SPTAN1: variants seen among roughly 807,000 people sequenced by gnomAD.
The protein encoded by SPTAN1 is spectrin alpha chain, non-erythrocytic 1.
Under a neutral mutation model 331.3 loss-of-function variants are expected in SPTAN1, and 61 were observed. The ratio of observed to expected loss-of-function variants is 0.18; its 90% confidence interval spans 0.15 to 0.23. SPTAN1 has a LOEUF of 0.23. SPTAN1 is among the 10% of genes least tolerant of loss of function. The pLI is 1.00. For missense variants in SPTAN1, 2,043 were observed against 3,147.9 expected (o/e 0.65, Z 8.40); for synonymous variants, 1,153 against 1,173.9 (o/e 0.98, Z 0.36).
At chr9:128,614,773 AGTT>A in intron 40 of SPTAN1, among the ~76,000 whole-genome samples, 1 of 152,192 alleles carries the variant, frequency 6.6e-6, no homozygotes, top group East Asian at 1.9e-4. Flanking sequence ...AGGAAAAAAA[AGTT>A]GTTGGGGGGT....
At position 128,619,172 on chromosome 9, in the gene SPTAN1, G is replaced by A. The variant is rs542394532; in HGVS notation, c.5733+169G>A. Among the ~76,000 whole-genome samples the A allele has an allele frequency of 8.8e-4, 134 of 152,292 alleles. 4 individuals are homozygous for A. The South Asian group carries it at 0.026, about 29-fold the overall frequency. ...TAGCCCTCAAGATCTCACACTAGGG[G>A]ACATCACCCTTCAGTAAACAAAATT... On this transcript the variant is annotated intron_variant, in intron 44 of 56. Transcript: ENST00000372739.
chr9:128,615,969 C>T lies in SPTAN1; in HGVS notation c.5357+129C>T, dbSNP rs542361260. The T allele has an allele frequency of 4.9e-5, 47 of 954,046 alleles. No homozygotes were observed. In the Middle Eastern group the frequency reaches 7.8e-4, roughly 16 times the overall value. The allele number at this position is 954,046 out of a possible 1,614,324, so 59.1% of individuals were successfully genotyped here. A position where few individuals can be genotyped will look rare whatever the true frequency, so the allele number is the denominator to read the frequency against. On this transcript the variant is annotated intron_variant, in intron 41 of 56. Transcript: ENST00000372739. The stretch of plus-strand genomic sequence containing the variant: ...TGGGATCCCAGCTTGGGCACACAGT[C>T]GTGGGATGCCTCAGTGTCTTCTGCT...
Position 128,625,927 on chromosome 9 carries a change from C to T in SPTAN1, c.6228C>T (p.Asn2076=). 2 of 1,614,236 alleles carry T rather than the reference C, an allele frequency of 1.2e-6. No individual in the cohort carries two copies. Among genetic ancestry groups the T allele is most frequent in the East Asian group, 2.2e-5 (1 of 44,872 alleles). The part of the protein sequence containing the change: ...LMKRWSQLLA[N]SAARKKKLLE... ...AGAGGTGGAGCCAGCTTCTGGCCAA[C>T]TCAGCCGCCCGCAAGAAGAAGCTTC... The change falls in exon 48 of 57, where the codon AAC becomes AAT. Residue 2076 remains asparagine (N), a synonymous_variant. Coordinates refer to ENST00000372739, the MANE Select transcript of SPTAN1 (RefSeq NM_001130438.3). This position sits in a 1 kb window ranked among gnomAD's most constrained non-coding sequence, Gnocchi z 4.1.
At chr9:128,615,191 A>G (rs374320973) in intron 40 of SPTAN1, among the ~76,000 whole-genome samples, 1 of 152,328 alleles carries the variant, frequency 6.6e-6, no homozygotes, top group East Asian at 1.9e-4. Context: ...TATCTGTGAG[A>G]TACCAAGTCT....
At chr9:128,557,640 T>G (rs935101047) in intron 1 of SPTAN1, among the ~76,000 whole-genome samples, 18 of 151,718 alleles carry the variant, frequency 1.2e-4, no homozygotes, top group Non-Finnish European at 2.4e-4. Context: ...AAGAACTGCC[T>G]CAAACAGCTG....
chr9:128,617,619 T>C, intron 41 of SPTAN1, 21 bp from the exon 42 acceptor site: 2 of 1,614,128 alleles, frequency 1.2e-6, no homozygotes, highest in East Asian at 4.5e-5. Flanking sequence ...CTGACTGTGC[T>C]GTTTCCCATC....
intron 9 of SPTAN1, 138 bp from the exon 10 acceptor site, chr9:128,579,499 A>G: frequency 4.3e-6 from 3 of 700,480 alleles, no homozygotes; most frequent in Non-Finnish European, 7.7e-6. Flanking sequence ...GTATTAGGAA[A>G]TCTGGCCTAA....
chr9:128,582,036 T>C (rs144899430), intron 12 of SPTAN1, 144 bp downstream of exon 12: 1 of 708,192 alleles, frequency 1.4e-6, no homozygotes, highest in East Asian at 2.6e-5. Context: ...AAGGATGACA[T>C]GCTATCTCGT....
chr9:128,598,876 T>C, intron 25 of SPTAN1, 87 bp from the exon 26 acceptor site: 2 of 1,209,226 alleles, frequency 1.7e-6, no homozygotes, highest in South Asian at 2.4e-5. Context: ...AATTATCTCC[T>C]GTGTTTCCAG....
At position 128,583,784 on chromosome 9, in the gene SPTAN1, A is replaced by G; in HGVS notation, c.2012-4A>G. On this transcript the variant is annotated splice_region_variant and splice_polypyrimidine_tract_variant and intron_variant, in intron 15 of 56. Coordinates refer to ENST00000372739, the MANE Select transcript of SPTAN1 (RefSeq NM_001130438.3). The stretch of plus-strand genomic sequence containing the variant: ...TACAAAATTAAACTTGTTTTCTTCC[A>G]TAGGAATAAAGCTTCGTGAAGCCAA... The G allele has an allele frequency of 3.7e-6, 6 of 1,614,196 alleles. No homozygotes were observed. Among genetic ancestry groups the G allele is most frequent in the Non-Finnish European group, 4.2e-6 (5 of 1,180,038 alleles).
In SPTAN1 at chr9:128,625,987, G is replaced by T; in HGVS notation, c.6279+9G>T. On this transcript the variant is annotated intron_variant, in intron 48 of 56. Transcript: ENST00000372739. This position sits in a 1 kb window ranked among gnomAD's most constrained non-coding sequence, Gnocchi z 4.1. ...AGAGTCACTTCCGCAAGGTGAGGAT[G>T]GGGCCACGTGAAGCTTAGCTGGCCC... 3.7e-6 allele frequency: 6 copies of T among 1,613,380 alleles called. No individual in the cohort carries two copies. Among genetic ancestry groups the T allele is most frequent in the Non-Finnish European group, 4.2e-6 (5 of 1,179,580 alleles).
rs753260036 is a variant in SPTAN1 at position 128,611,803 on chromosome 9, C to T, written c.4863C>T (p.Leu1621=). 6.2e-7 allele frequency: 1 copy of T among 1,614,178 alleles called. No homozygotes were observed. Among genetic ancestry groups the T allele is most frequent in the Non-Finnish European group, 8.5e-7 (1 of 1,180,046 alleles). The change falls in exon 38 of 57, where the codon CTC becomes CTT. Residue 1621 remains leucine, a synonymous_variant. Coordinates refer to ENST00000372739, the MANE Select transcript of SPTAN1 (RefSeq NM_001130438.3). ...GGGTTATCGACATGGGCAACTCCCT[C>T]ATTGAACGTGGAGCCTGTGCCGGCA... The part of the protein sequence containing the change: ...IRGVIDMGNS[L]IERGACAGSE...
intron 23 of SPTAN1, 110 bp from the exon 24 acceptor site, chr9:128,594,065 T>C: frequency 9.8e-7 from 1 of 1,023,498 alleles, no homozygotes; most frequent in Non-Finnish European, 1.5e-6. Context: ...CATTACAAAC[T>C]CGTAGCCTGG....
intron 22 of SPTAN1, among the ~76,000 whole-genome samples, chr9:128,592,176 A>G (rs965546225): frequency 6.6e-6 from 1 of 152,162 alleles, no homozygotes; most frequent in African/African-American, 2.4e-5. Flanking sequence ...AGAATAGTGA[A>G]ATTTTTGGGC....
At chr9:128,632,785 G>A (rs767367080) in intron 55 of SPTAN1, 23 bp from the exon 56 acceptor site, 1 of 1,614,060 alleles carries the variant, frequency 6.2e-7, no homozygotes, top group East Asian at 2.2e-5. Context: ...CCCTGCTCAG[G>A]CTCTTGCTTC....
chr9:128,631,895 G>A, intron 52 of SPTAN1: 1 of 573,596 alleles, frequency 1.7e-6, no homozygotes, highest in South Asian at 2.1e-5. Context: ...ACTGCCCTCT[G>A]GCAGGTCTAC....
At chr9:128,609,016 A>G (rs369538623) in intron 35 of SPTAN1, 39 bp downstream of exon 35, 3 of 1,613,924 alleles carry the variant, frequency 1.9e-6, no homozygotes, top group Non-Finnish European at 2.5e-6. Context: ...ACCAGCCCTG[A>G]GAGGATGCAT....
At chr9:128,619,441 A>G (rs902728907) in intron 44 of SPTAN1, among the ~76,000 whole-genome samples, 1 of 152,234 alleles carries the variant, frequency 6.6e-6, no homozygotes, top group Non-Finnish European at 1.5e-5. Flanking sequence ...ATGTTCTGCA[A>G]ACCTGTAGGG....
At chr9:128,619,836 C>T (rs1857621425) in intron 44 of SPTAN1, among the ~76,000 whole-genome samples, 1 of 152,200 alleles carries the variant, frequency 6.6e-6, no homozygotes, top group Admixed American at 6.5e-5. Flanking sequence ...AAAGCAGCAC[C>T]CATTTCTTAC....
Sources: allele counts gnomAD v4.1 joint callset (sites outside exome capture counted in the v4.1 genomes callset), GRCh38; gene constraint gnomAD v4.1.1; non-coding constraint Gnocchi (gnomAD v3.1); transcripts MANE v1.5; gene names NCBI Gene and HGNC (gene_info 2026-07-23, HGNC 2026-07-21).